Variants in CCDC191 observed in about 807,000 individuals in gnomAD.
CCDC191 encodes coiled-coil domain containing 191, also known as coiled-coil domain-containing protein 191.
In CCDC191, 99 loss-of-function variants were observed where a neutral mutation model predicts 114.0. The observed-to-expected ratio is 0.87, with a 90% CI of 0.74 to 1.03. CCDC191 has a LOEUF of 1.03. Ranked by LOEUF, CCDC191 falls within the 50% of genes least tolerant of loss-of-function variation. The pLI, the probability that CCDC191 is intolerant of heterozygous loss-of-function variation, is 0.00. For synonymous variants in CCDC191, 351 were observed against 376.0 expected, an observed-to-expected ratio of 0.93 and a Z score of 0.77; for missense variants, 973 against 1,087.0, an observed-to-expected ratio of 0.90 and a Z score of 1.47.
At chr3:114,050,523 G>A (rs1358894922) in intron 2 of CCDC191, among the ~76,000 whole-genome samples, 1 of 152,190 alleles carries the variant, frequency 6.6e-6, no homozygotes, top group East Asian at 1.9e-4. Context: ...AGGGGGATTT[G>A]TCCACTTAGA....
intron 2 of CCDC191, chr3:114,046,987 TATTAAG>T (rs1176490595): frequency 1.0e-6 from 1 of 959,286 alleles, no homozygotes; most frequent in Non-Finnish European, 1.2e-6. Context: ...GAATAAAAGT[TATTAAG>T]ATTTAGATAA....
intron 13 of CCDC191, among the ~76,000 whole-genome samples, chr3:113,986,062 A>G (rs1453580480): frequency 1.3e-5 from 2 of 152,258 alleles, no homozygotes; most frequent in East Asian, 3.8e-4. Flanking sequence ...ATAATGTTAA[A>G]TGTTCTAATG....
In CCDC191 at chr3:113,965,024, T is replaced by C; in HGVS notation, c.*131A>G. ...AAGAAGGGAATAAAAATTCTCAAAA[T>C]AATTCCTTTGATCTAAGAAGTAGCT... On this transcript the variant is annotated 3_prime_UTR_variant, in exon 17 of 17. Coordinates refer to ENST00000295878, the MANE Select transcript of CCDC191 (RefSeq NM_020817.2). The C allele has an allele frequency of 4.1e-6, 2 of 487,162 alleles. No homozygotes were observed. The highest frequency in any genetic ancestry group is 7.0e-6 in the Non-Finnish European group (2 of 283,924). 30.2% of individuals were successfully genotyped at this position (487,162 alleles called of 1,614,324 possible). A position where few individuals can be genotyped will look rare whatever the true frequency, so the allele number is the denominator to read the frequency against.
rs757991867 is a variant in CCDC191, at chr3:114,031,734, T to C, written c.864A>G (p.Lys288=). Reference sequence around the variant, plus strand: ...GAATGTGAGTACTTTGAAACATGACTTTTTCTGAACTATTTTGAGAATTCT... The same window carrying C: ...GAATGTGAGTACTTTGAAACATGACCTTTTCTGAACTATTTTGAGAATTCT... ...QEENSQNSSE[K]VMFQSTHILP... The change falls in exon 7 of 17, where the codon AAA becomes AAG. Residue 288 remains lysine (K), a synonymous_variant. Coordinates refer to ENST00000295878, the MANE Select transcript of CCDC191 (RefSeq NM_020817.2). 6.2e-5 allele frequency: 95 copies of C among 1,528,586 alleles called. No individual in the cohort carries two copies. The highest frequency in any genetic ancestry group is 8.2e-5 in the Non-Finnish European group (91 of 1,103,252). 94.7% of individuals were successfully genotyped at this position (1,528,586 alleles called of 1,614,324 possible).
chr3:113,970,714 C>T (rs569768039), intron 16 of CCDC191, among the ~76,000 whole-genome samples: 1 of 152,066 alleles, frequency 6.6e-6, no homozygotes, highest in Non-Finnish European at 1.5e-5. Flanking sequence ...GCTATCCCTC[C>T]CCGTCCCCCC....
At chr3:113,980,623 C>T in intron 14 of CCDC191, 27 bp downstream of exon 14, 13 of 1,533,010 alleles carry the variant, frequency 8.5e-6, no homozygotes, top group East Asian at 2.5e-5. Context: ...ATTTTCTAAT[C>T]TGGGGGATAA....
intron 3 of CCDC191, among the ~76,000 whole-genome samples, chr3:114,046,075 C>A (rs1401201602): frequency 6.6e-6 from 1 of 152,222 alleles, no homozygotes; most frequent in African/African-American, 2.4e-5. Context: ...GACTTTCCAT[C>A]TACCACAGTG....
At position 114,013,787 on chromosome 3, in the gene CCDC191, A is replaced by C. The variant is rs1013975694; in HGVS notation, c.1164-2766T>G. Among the ~76,000 whole-genome samples, 6 of 152,294 alleles carry C rather than the reference A, an allele frequency of 3.9e-5. No homozygotes were observed. The East Asian group carries it at 1.2e-3, about 29-fold the overall frequency. On this transcript the variant is annotated intron_variant, in intron 8 of 16. Coordinates refer to ENST00000295878, the MANE Select transcript of CCDC191 (RefSeq NM_020817.2). ...ACCTTGCTGCCCAGGATGAACACTC[A>C]ATGATACTGGGTGACTGGTGCATGT...
chr3:114,001,467 G>T, intron 13 of CCDC191, 128 bp downstream of exon 13: 1 of 1,312,716 alleles, frequency 7.6e-7, no homozygotes. Context: ...GTAAGATAGA[G>T]AAAAGAAGTG....
chr3:114,047,956 C>G (rs2076652208), intron 2 of CCDC191, among the ~76,000 whole-genome samples: 1 of 152,078 alleles, frequency 6.6e-6, no homozygotes, highest in Non-Finnish European at 1.5e-5. Flanking sequence ...GCTCGAGTGA[C>G]AGAGCGAGAC....
At chr3:114,010,293 A>G (rs1360072386) in intron 9 of CCDC191, among the ~76,000 whole-genome samples, 1 of 152,178 alleles carries the variant, frequency 6.6e-6, no homozygotes, top group African/African-American at 2.4e-5. Context: ...ATACTTTAAC[A>G]TGTTATTAGT....
intron 16 of CCDC191, among the ~76,000 whole-genome samples, chr3:113,967,835 C>CT (rs1178744106): frequency 2.0e-5 from 3 of 152,190 alleles, no homozygotes; most frequent in Admixed American, 2.0e-4. Context: ...AATGTATTCT[C>CT]TATCTTCATG....
Position 114,036,776 on chromosome 3 carries a change from G to T in CCDC191, c.426C>A (p.Gly142=). 1 of 1,543,882 alleles carries T rather than the reference G, an allele frequency of 6.5e-7. No individual in the cohort carries two copies. The highest frequency in any genetic ancestry group is 8.7e-7 in the Non-Finnish European group (1 of 1,144,530). ...TACTTTCCTCTTCTTCCTCCAAATA[G>T]CCACATAAATCTGGGGGAAACAGAA... is the stretch of plus-strand genomic sequence containing the variant. ...LKYDKFDDLC[G]YLEEEEESTT... is the part of the protein sequence containing the mutation. Residue 142 remains glycine, a synonymous_variant, in exon 5 of 17, where the codon GGC becomes GGA. Transcript: ENST00000295878.
chr3:114,006,882 C>T (rs1182654882), intron 9 of CCDC191, among the ~76,000 whole-genome samples: 1 of 151,906 alleles, frequency 6.6e-6, no homozygotes, highest in African/African-American at 2.4e-5. Context: ...CTAACCGTTT[C>T]CAGCTATTCC....
intron 13 of CCDC191, among the ~76,000 whole-genome samples, chr3:113,987,636 C>A (rs778748369): frequency 2.6e-5 from 4 of 152,208 alleles, no homozygotes; most frequent in Admixed American, 6.5e-5. Flanking sequence ...TGGACTCAGG[C>A]AGTCCTCCTG....
At chr3:114,052,533 A>G (rs1289849356) in intron 2 of CCDC191, among the ~76,000 whole-genome samples, 2 of 152,164 alleles carry the variant, frequency 1.3e-5, no homozygotes, top group Non-Finnish European at 2.9e-5. Context: ...TTTCTGCAGT[A>G]GCCAGGAAGC....
At position 113,964,160 on chromosome 3, in the gene CCDC191, T is replaced by G. The variant is rs1229121019; in HGVS notation, c.*995A>C. On this transcript the variant is annotated 3_prime_UTR_variant, in exon 17 of 17. Transcript: ENST00000295878. ...CATTCACTTAAAAAACCACAGAATT[T>G]TATTTTGTCAACTCAAATTTTCAGC... is the stretch of plus-strand genomic sequence containing the variant. The G allele has an allele frequency of 6.6e-6, 1 of 152,190 alleles. No individual in the cohort carries two copies. Among genetic ancestry groups the G allele is most frequent in the African/African-American group, 2.4e-5 (1 of 41,446 alleles). 9.4% of individuals were successfully genotyped at this position (152,190 alleles called of 1,614,324 possible). A position where few individuals can be genotyped will look rare whatever the true frequency, so the allele number is the denominator to read the frequency against.
At chr3:113,991,342 G>A (rs2075559982) in intron 13 of CCDC191, among the ~76,000 whole-genome samples, 1 of 137,294 alleles carries the variant, frequency 7.3e-6, no homozygotes, top group Non-Finnish European at 1.5e-5. Flanking sequence ...CCATGACCAA[G>A]TGGAGTTCAT....
In CCDC191 at chr3:113,965,200, T is replaced by G; in HGVS notation, c.2766A>C (p.Gln922His). 4 of 1,610,690 alleles carry G rather than the reference T, an allele frequency of 2.5e-6. No individual in the cohort carries two copies. Among genetic ancestry groups the G allele is most frequent in the Non-Finnish European group, 3.4e-6 (4 of 1,178,598 alleles). ...TCTTACTCAAGGACCAAGTATCTGA[T>G]TGCTGATATAGCTCGTGGTACCTTC... ...VPGRYHELYQ[Q>H]SDTWSLSKTS... The change falls in exon 17 of 17, where the codon CAA (glutamine) becomes CAC (histidine). Residue 922 changes from glutamine to histidine, a missense_variant. Transcript: ENST00000295878.
Sources: allele counts gnomAD v4.1 joint callset (sites outside exome capture counted in the v4.1 genomes callset), GRCh38; gene constraint gnomAD v4.1.1; transcripts MANE v1.5; gene names NCBI Gene and HGNC (gene_info 2026-07-23, HGNC 2026-07-21).